NIBAN2: variants seen among roughly 807,000 people sequenced by gnomAD.
The protein encoded by NIBAN2 is protein Niban 2.
Under a neutral mutation model 81.8 loss-of-function variants are expected in NIBAN2, and 36 were observed. The observed-to-expected ratio is 0.44, with a 90% CI of 0.34 to 0.58. NIBAN2 has a LOEUF of 0.58. Among genes scored for constraint, NIBAN2 ranks in the 20% least tolerant of loss-of-function variants. The pLI is 0.02. For synonymous variants in NIBAN2, 445 were observed against 441.6 expected, an observed-to-expected ratio of 1.01 and a Z score of -0.10; for missense variants, 897 against 1,014.1, an observed-to-expected ratio of 0.88 and a Z score of 1.57.
chr9:127,529,344 T>A (rs958333597), intron 2 of NIBAN2, among the ~76,000 whole-genome samples: 1 of 152,218 alleles, frequency 6.6e-6, no homozygotes, highest in Non-Finnish European at 1.5e-5. Context: ...CGGCATAAGA[T>A]AACTGCTGTT....
chr9:127,554,442 C>T (rs1011733839), intron 1 of NIBAN2, among the ~76,000 whole-genome samples: 1 of 152,142 alleles, frequency 6.6e-6, no homozygotes, highest in Admixed American at 6.6e-5. Flanking sequence ...TTGCAACCCC[C>T]TTGGGGCTCC....
chr9:127,557,392 A>C (rs1837690931), intron 1 of NIBAN2, among the ~76,000 whole-genome samples: 1 of 151,938 alleles, frequency 6.6e-6, no homozygotes, highest in Non-Finnish European at 1.5e-5. Flanking sequence ...GAGTTCACCC[A>C]AGGCCACAGA....
At chr9:127,511,902 T>G (rs1308737774) in intron 8 of NIBAN2, among the ~76,000 whole-genome samples, 1 of 152,182 alleles carries the variant, frequency 6.6e-6, no homozygotes, top group Non-Finnish European at 1.5e-5. Flanking sequence ...AGATGCCACG[T>G]CACCCCAGTT....
Position 127,507,047 on chromosome 9 carries a change from T to C in NIBAN2, c.2039A>G (p.Glu680Gly), listed in dbSNP as rs1162769547. 6.3e-7 allele frequency: 1 copy of C among 1,581,138 alleles called. No homozygotes were observed. The highest frequency in any genetic ancestry group is 2.3e-5 in the East Asian group (1 of 43,472). Residue 680 changes from glutamate to glycine, a missense_variant, in exon 14 of 14, where the codon GAG (glutamate) becomes GGG (glycine). Glu to Gly is a moderately conservative substitution (Grantham distance 98). Coordinates refer to ENST00000373312, the MANE Select transcript of NIBAN2 (RefSeq NM_022833.4). This position sits in a 1 kb window ranked among gnomAD's most constrained non-coding sequence, Gnocchi z 6.8. ...GPLLNGAPAG[E>G]SPQPKAAPEA... ...GGGGGCGGCCTTAGGCTGGGGACTCTCCCCAGCGGGGGCCCCGTTGAGCAG... is the reference window on the plus strand; with the variant it reads ...GGGGGCGGCCTTAGGCTGGGGACTCCCCCCAGCGGGGGCCCCGTTGAGCAG...
rs147640021 is a variant in NIBAN2 at position 127,511,719 on chromosome 9, G to A, written c.974-1386C>T. The stretch of plus-strand genomic sequence containing the variant: ...TATAAGGATCTCAAACAAGTCTATA[G>A]GAAAAAAATCCTAGTAATCCAATTA... On this transcript the variant is annotated intron_variant, in intron 8 of 13. Coordinates refer to ENST00000373312, the MANE Select transcript of NIBAN2 (RefSeq NM_022833.4). Among the ~76,000 whole-genome samples, 177 of 152,186 alleles carry A rather than the reference G, an allele frequency of 1.2e-3. 1 individual carries two copies. The highest frequency in any genetic ancestry group is 3.9e-3 in the African/African-American group (162 of 41,534).
upstream of NIBAN2, among the ~76,000 whole-genome samples, chr9:127,572,899 T>C (rs1338332911): frequency 6.6e-6 from 1 of 152,090 alleles, no homozygotes; most frequent in Non-Finnish European, 1.5e-5. Flanking sequence ...TTTAAAAAAA[T>C]TAGCTGGGCC....
At chr9:127,558,383 C>G (rs1484745008) in intron 1 of NIBAN2, among the ~76,000 whole-genome samples, 1 of 152,162 alleles carries the variant, frequency 6.6e-6, no homozygotes, top group Non-Finnish European at 1.5e-5. Flanking sequence ...ATGCTGGGGT[C>G]AAGGCCCTGG....
upstream of NIBAN2, among the ~76,000 whole-genome samples, chr9:127,571,340 T>C (rs1299159923): frequency 2.0e-5 from 3 of 152,132 alleles, no homozygotes; most frequent in Non-Finnish European, 2.9e-5. Context: ...GGAGACCTTC[T>C]GTCACATGTC....
chr9:127,543,459 G>A (rs965078713), intron 1 of NIBAN2, among the ~76,000 whole-genome samples: 4 of 152,208 alleles, frequency 2.6e-5, no homozygotes, highest in Middle Eastern at 3.4e-3. Context: ...TAGACTCCAC[G>A]GGCTGTGGAA....
intron 1 of NIBAN2, among the ~76,000 whole-genome samples, chr9:127,557,585 C>G (rs897420399): frequency 6.6e-6 from 1 of 152,236 alleles, no homozygotes; most frequent in South Asian, 2.1e-4. Flanking sequence ...AGGGCAGGCA[C>G]CAGAAACAGC....
Position 127,545,674 on chromosome 9 carries a change from G to A in NIBAN2, c.56-13896C>T, listed in dbSNP as rs1837458428. On this transcript the variant is annotated intron_variant, in intron 1 of 13. Coordinates refer to ENST00000373312, the MANE Select transcript of NIBAN2 (RefSeq NM_022833.4). This position sits in a 1 kb window ranked among gnomAD's most constrained non-coding sequence, Gnocchi z 4.7. Reference sequence around the variant, plus strand: ...CACAACAGGTCTGGTGGGGAAGGGTGAGCTTTGAGGCAGGAGGGCTGGGAG... The same window carrying A: ...CACAACAGGTCTGGTGGGGAAGGGTAAGCTTTGAGGCAGGAGGGCTGGGAG... Among the ~76,000 whole-genome samples, 1 of 152,204 alleles carries A rather than the reference G, an allele frequency of 6.6e-6. No individual in the cohort carries two copies. Among genetic ancestry groups the A allele is most frequent in the Admixed American group, 6.5e-5 (1 of 15,284 alleles).
In NIBAN2 at chr9:127,519,232, G is replaced by A. The variant is rs748797698; in HGVS notation, c.590-1291C>T. On this transcript the variant is annotated intron_variant, in intron 5 of 13. Transcript: ENST00000373312. ...AAGAGTTTGCTATTAATAACAGCTA[G>A]AAGAACACCATTTCTGAATTTTTGT... Among the ~76,000 whole-genome samples the A allele has an allele frequency of 2.1e-3, 303 of 143,156 alleles. 3 individuals carry two copies. Among genetic ancestry groups the A allele is most frequent in the Admixed American group, 7.2e-3 (103 of 14,244 alleles). The allele number at this position is 143,156 out of a possible 152,430, so 93.9% of individuals were successfully genotyped here.
intron 1 of NIBAN2, among the ~76,000 whole-genome samples, chr9:127,542,671 C>T (rs1263459188): frequency 6.6e-6 from 1 of 152,214 alleles, no homozygotes; most frequent in Non-Finnish European, 1.5e-5. Context: ...CCCTGCTGGC[C>T]TCAGGTGCCC....
chr9:127,571,734 G>A (rs1167699550), upstream of NIBAN2, among the ~76,000 whole-genome samples: 1 of 151,976 alleles, frequency 6.6e-6, no homozygotes, highest in East Asian at 1.9e-4. Context: ...AAAGTGGAAA[G>A]GCATTGTGAA....
At chr9:127,530,419 G>A (rs925918654) in intron 2 of NIBAN2, among the ~76,000 whole-genome samples, 1 of 152,176 alleles carries the variant, frequency 6.6e-6, no homozygotes, top group African/African-American at 2.4e-5. Flanking sequence ...TGCGGCAGCT[G>A]AGGCCTGTAA....
At chr9:127,522,888 CCCAGCACCCAGCACAGCTGTGAG>C (rs1333074906) in intron 5 of NIBAN2, among the ~76,000 whole-genome samples, 1 of 151,868 alleles carries the variant, frequency 6.6e-6, no homozygotes, top group Non-Finnish European at 1.5e-5. Context: ...GTTGGCTCCA[CCCAGCACCCAGCACAGCTGTGAG>C]CCATCGTGCT....
chr9:127,509,106 G>A lies in NIBAN2; in HGVS notation c.1187C>T (p.Ala396Val), dbSNP rs772875373. 3.2e-5 allele frequency: 52 copies of A among 1,611,928 alleles called. No individual in the cohort carries two copies. Among genetic ancestry groups the A allele is most frequent in the Non-Finnish European group, 4.2e-5 (50 of 1,179,820 alleles). ...GEYMEKLSRL[A>V]YHPLKMQSCY... is the part of the protein sequence containing the mutation. ...GCTCTGCATCTTCAGGGGGTGGTAC[G>A]CCAGCCGGGACAGCTTCTCCATGTA... Residue 396 changes from alanine to valine, a missense_variant, in exon 10 of 14, where the codon GCG (alanine) becomes GTG (valine). By Grantham distance (64) the Ala-to-Val change is moderately conservative (BLOSUM62 0). Around this residue, in one of 3 missense-constraint regions of NIBAN2, gnomAD observed 619 missense variants for 691.0 expected, o/e 0.90. Transcript: ENST00000373312.
intron 1 of NIBAN2, among the ~76,000 whole-genome samples, chr9:127,560,372 C>G (rs1042812935): frequency 6.6e-6 from 1 of 152,116 alleles, no homozygotes; most frequent in Non-Finnish European, 1.5e-5. Flanking sequence ...GGTCCAGTCC[C>G]TCTCACCATG....
chr9:127,575,853 G>C (rs964964196), intron 1 of NIBAN2, among the ~76,000 whole-genome samples: 1 of 151,994 alleles, frequency 6.6e-6, no homozygotes, highest in South Asian at 2.1e-4. Context: ...TTTTTTTCCC[G>C]CATCTTGCCC....
Sources: allele counts gnomAD v4.1 joint callset (sites outside exome capture counted in the v4.1 genomes callset), GRCh38; gene constraint gnomAD v4.1.1; regional missense constraint gnomAD v4.1.1; non-coding constraint Gnocchi (gnomAD v3.1); transcripts MANE v1.5; gene names NCBI Gene and HGNC (gene_info 2026-07-23, HGNC 2026-07-21).